The following MCF2L variants were observed in gnomAD, a reference collection of about 807,000 sequenced individuals.
The protein encoded by MCF2L is MCF.2 cell line derived transforming sequence like, also known as guanine nucleotide exchange factor DBS.
MCF2L carries 97 observed loss-of-function variants against 153.4 expected under a neutral mutation model. The ratio of observed to expected loss-of-function variants is 0.63; its 90% CI spans 0.54 to 0.75. The LOEUF is 0.75. Ranked by LOEUF, MCF2L falls within the 30% of genes least tolerant of loss-of-function variation. MCF2L has a pLI of 0.00. For synonymous variants in MCF2L, 659 were observed against 632.2 expected, an observed-to-expected ratio of 1.04 and a Z score of -0.64; for missense variants, 1,347 against 1,495.2, an observed-to-expected ratio of 0.90 and a Z score of 1.64.
chr13:113,095,333 G>T (rs1336827275), intron 27 of MCF2L: 3 of 1,166,396 alleles, frequency 2.6e-6, no homozygotes, highest in Non-Finnish European at 3.2e-6. Flanking sequence ...GGAAGGGTAG[G>T]GAGAGCCCTC....
chr13:112,917,119 C>T lies in MCF2L; in HGVS notation c.169+14748C>T, dbSNP rs548183153. 1,076 of 471,280 alleles carry T rather than the reference C, an allele frequency of 2.3e-3. 3 individuals carry two copies. Among genetic ancestry groups the T allele is most frequent in the Non-Finnish European group, 3.6e-3 (824 of 227,062 alleles). 29.2% of individuals were successfully genotyped at this position (471,280 alleles called of 1,614,324 possible). A position where few individuals can be genotyped will look rare whatever the true frequency, so the allele number is the denominator to read the frequency against. On this transcript the variant is annotated intron_variant, in intron 2 of 29. Transcript: ENST00000375608. ...ATCTCTCCATCTGTACTCAGCCCCT[C>T]GGCGATCTCAGTCCCCTGGCTTGTG...
intron 1 of MCF2L, among the ~76,000 whole-genome samples, chr13:112,972,084 T>C (rs367794732): frequency 6.6e-6 from 1 of 152,250 alleles, no homozygotes; most frequent in Non-Finnish European, 1.5e-5. Flanking sequence ...ATGAAGTTCT[T>C]CAGGAATCAA....
intron 4 of MCF2L, among the ~76,000 whole-genome samples, chr13:113,047,915 C>G (rs9577440): frequency 2.2e-5 from 1 of 45,318 alleles, no homozygotes; most frequent in Non-Finnish European, 5.2e-5. Flanking sequence ...CCGGCCCCTC[C>G]GCTGACGCCT....
intron 16 of MCF2L, among the ~76,000 whole-genome samples, chr13:113,081,679 G>A (rs568564474): frequency 3.3e-5 from 5 of 152,390 alleles, no homozygotes; most frequent in Admixed American, 6.5e-5. Context: ...TTGCCTGGGT[G>A]AGCTTGATGT....
Position 112,969,311 on chromosome 13 carries a change from G to A in MCF2L, c.-69G>A. On this transcript the variant is annotated 5_prime_UTR_variant, in exon 1 of 30. Coordinates refer to ENST00000535094, the MANE Select transcript of MCF2L (RefSeq NM_001112732.3). The surrounding 1 kb of genome is among the most constrained non-coding windows in gnomAD (Gnocchi z 4.8). ...GCCGCGCCCCCTCCGCACTCGCACGGCCCCACCCGCAGGCGCCCCCCGTGC... is the reference window on the plus strand; with the variant it reads ...GCCGCGCCCCCTCCGCACTCGCACGACCCCACCCGCAGGCGCCCCCCGTGC... 1.9e-6 allele frequency: 3 copies of A among 1,542,592 alleles called. No individual in the cohort carries two copies. Among genetic ancestry groups the A allele is most frequent in the South Asian group, 2.4e-5 (2 of 83,552 alleles).
Position 113,027,084 on chromosome 13 carries a change from C to T in MCF2L, c.278+2326C>T, listed in dbSNP as rs1375632856. 5.3e-6 allele frequency: 4 copies of T among 753,232 alleles called. No individual in the cohort carries two copies. Among genetic ancestry groups the T allele is most frequent in the East Asian group, 4.9e-5 (2 of 40,732 alleles). The allele number at this position is 753,232 out of a possible 1,614,324, so 46.7% of individuals were successfully genotyped here. A position where few individuals can be genotyped will look rare whatever the true frequency, so the allele number is the denominator to read the frequency against. ...TATCCTTAAATATGGCATCTGTATCCCGCACATTACATAAGGTGGCAAAAC... is the reference window on the plus strand; with the variant it reads ...TATCCTTAAATATGGCATCTGTATCTCGCACATTACATAAGGTGGCAAAAC... On this transcript the variant is annotated intron_variant, in intron 3 of 29. Coordinates refer to ENST00000535094, the MANE Select transcript of MCF2L (RefSeq NM_001112732.3). This position sits in a 1 kb window ranked among gnomAD's most constrained non-coding sequence, Gnocchi z 4.8.
At chr13:112,958,711 T>C (rs2081788248) in intron 2 of MCF2L, among the ~76,000 whole-genome samples, 1 of 152,192 alleles carries the variant, frequency 6.6e-6, no homozygotes, top group Non-Finnish European at 1.5e-5. Flanking sequence ...TCATTACCCC[T>C]GGGGCCTCTC....
In MCF2L at chr13:113,070,349, A is replaced by G; in HGVS notation, c.996+176A>G. The G allele has an allele frequency of 2.1e-6, 1 of 479,270 alleles. No individual in the cohort carries two copies. The highest frequency in any genetic ancestry group is 3.9e-5 in the East Asian group (1 of 25,384). 29.7% of individuals were successfully genotyped at this position (479,270 alleles called of 1,614,324 possible). A position where few individuals can be genotyped will look rare whatever the true frequency, so the allele number is the denominator to read the frequency against. On this transcript the variant is annotated intron_variant, in intron 9 of 29. Coordinates refer to ENST00000535094, the MANE Select transcript of MCF2L (RefSeq NM_001112732.3). This position sits in a 1 kb window ranked among gnomAD's most constrained non-coding sequence, Gnocchi z 5.6. ...TGAGATTAAGTCAGGCTGAGCCTTG[A>G]AATGCACGATTGATGACTGCGTCAT...
At chr13:112,988,846 C>CACCT (rs1566696078) in intron 1 of MCF2L, among the ~76,000 whole-genome samples, 4 of 83,670 alleles carry the variant, frequency 4.8e-5, no homozygotes, top group Admixed American at 1.1e-4. Context: ...GGAGCTACCA[C>CACCT]GCCCAAGTCC....
At chr13:113,010,119 C>CG (rs2083988032) in intron 1 of MCF2L, 1 of 149,452 alleles carries the variant, frequency 6.7e-6, no homozygotes, top group Admixed American at 6.7e-5. Flanking sequence ...CCCCATACCC[C>CG]CCCCACCCGC....
Position 113,074,462 on chromosome 13 carries a change from G to T in MCF2L, c.1015G>T (p.Ala339Ser), listed in dbSNP as rs771679692. Reference protein sequence around the residue: ...GFREVKAILDAASQKIATFTD... With the variant: ...GFREVKAILDSASQKIATFTD... ...GTTCCAGGTCAAAGCCATCTTGGAC[G>T]CAGCGTCCCAGAAGATAGCAACCTT... Residue 339 changes from alanine to serine, a missense_variant, in exon 10 of 30, where the codon GCA (alanine) becomes TCA (serine). Ala to Ser is a moderately conservative substitution (Grantham distance 99, BLOSUM62 1). Coordinates refer to ENST00000535094, the MANE Select transcript of MCF2L (RefSeq NM_001112732.3). The surrounding 1 kb of genome is among the most constrained non-coding windows in gnomAD (Gnocchi z 4.2). 10 of 1,613,786 alleles carry T rather than the reference G, an allele frequency of 6.2e-6. No homozygotes were observed. The highest frequency in any genetic ancestry group is 5.0e-5 in the Admixed American group (3 of 60,022).
Position 113,045,132 on chromosome 13 carries a change from C to A in MCF2L, c.279-139C>A. 1.1e-6 allele frequency: 1 copy of A among 921,462 alleles called. No individual in the cohort carries two copies. The highest frequency in any genetic ancestry group is 1.7e-6 in the Non-Finnish European group (1 of 577,814). 57.1% of individuals were successfully genotyped at this position (921,462 alleles called of 1,614,324 possible). A position where few individuals can be genotyped will look rare whatever the true frequency, so the allele number is the denominator to read the frequency against. Reference sequence around the variant, plus strand: ...ATGGGGCTGCCGGGGCCCCCGTGTGCCATGCCTCTCACCTGGTATTGCAGA... The same window carrying A: ...ATGGGGCTGCCGGGGCCCCCGTGTGACATGCCTCTCACCTGGTATTGCAGA... On this transcript the variant is annotated intron_variant, in intron 3 of 29. Transcript: ENST00000535094. The surrounding 1 kb of genome is among the most constrained non-coding windows in gnomAD (Gnocchi z 4.2).
chr13:112,931,049 G>A (rs1001101845), intron 2 of MCF2L, among the ~76,000 whole-genome samples: 5 of 152,238 alleles, frequency 3.3e-5, no homozygotes, highest in African/African-American at 9.6e-5. Flanking sequence ...GAGCCAGGAC[G>A]CGCCTCTCAC....
intron 1 of MCF2L, chr13:112,985,533 C>G (rs1237832770): frequency 4.3e-6 from 2 of 460,132 alleles, no homozygotes; most frequent in African/African-American, 4.0e-5. Context: ...TCGGAGCAGT[C>G]GAGGCGGCCT....
rs1297244432 is a variant in MCF2L, at chr13:113,098,286, A to C, written c.*1427A>C. The C allele has an allele frequency of 6.6e-6, 1 of 152,592 alleles. No homozygotes were observed. Among genetic ancestry groups the C allele is most frequent in the Admixed American group, 6.5e-5 (1 of 15,288 alleles). The allele number at this position is 152,592 out of a possible 1,614,324, so 9.5% of individuals were successfully genotyped here. A position where few individuals can be genotyped will look rare whatever the true frequency, so the allele number is the denominator to read the frequency against. On this transcript the variant is annotated 3_prime_UTR_variant, in exon 30 of 30. Coordinates refer to ENST00000535094, the MANE Select transcript of MCF2L (RefSeq NM_001112732.3). ...GCGGAATCAAATAGGAAGCATGCAGAGACTCGGCAGCTTTTCCTCTGATGT... is the reference window on the plus strand; with the variant it reads ...GCGGAATCAAATAGGAAGCATGCAGCGACTCGGCAGCTTTTCCTCTGATGT...
In MCF2L at chr13:112,985,478, G is replaced by A. The variant is rs937075899; in HGVS notation, c.79+16020G>A. 3.2e-5 allele frequency: 15 copies of A among 470,850 alleles called. No individual in the cohort carries two copies. The Admixed American group carries it at 3.5e-4, about 11-fold the overall frequency. The allele number at this position is 470,850 out of a possible 1,614,324, so 29.2% of individuals were successfully genotyped here. On this transcript the variant is annotated intron_variant, in intron 1 of 29. Transcript: ENST00000535094. ...GCTCCTGGCTGCTGTCCGTGGCTGAGGGTGAGTCTCCTCGTCCCCTGTGAG... is the reference window on the plus strand; with the variant it reads ...GCTCCTGGCTGCTGTCCGTGGCTGAAGGTGAGTCTCCTCGTCCCCTGTGAG...
At chr13:112,966,470 CTACTGAT>C (rs764706566), upstream of MCF2L, among the ~76,000 whole-genome samples, 2 of 152,206 alleles carry the variant, frequency 1.3e-5, no homozygotes, top group Non-Finnish European at 2.9e-5. The surrounding 1 kb of genome is among the most constrained non-coding windows in gnomAD (Gnocchi z 4.1). Flanking sequence ...TACTCAAAGT[CTACTGAT>C]ATAAGTGTCA....
rs2087503078 is a variant in MCF2L at position 113,053,423 on chromosome 13, G to A, written c.370-7170G>A. The stretch of plus-strand genomic sequence containing the variant: ...GTTTCCTTGTAATTAGGTTCCACGT[G>A]GTCCTTTGGGGCGGGAATCCTGGTG... On this transcript the variant is annotated intron_variant, in intron 4 of 29. Coordinates refer to ENST00000535094, the MANE Select transcript of MCF2L (RefSeq NM_001112732.3). This position sits in a 1 kb window ranked among gnomAD's most constrained non-coding sequence, Gnocchi z 4.4. Among the ~76,000 whole-genome samples, 1 of 152,206 alleles carries A rather than the reference G, an allele frequency of 6.6e-6. No individual in the cohort carries two copies.
intron 1 of MCF2L, among the ~76,000 whole-genome samples, chr13:112,972,036 G>T (rs2082053459): frequency 6.6e-6 from 1 of 152,196 alleles, no homozygotes; most frequent in Admixed American, 6.5e-5. Context: ...CAGGAAGTCT[G>T]GGGTAGGGTC....
Sources: allele counts gnomAD v4.1 joint callset (sites outside exome capture counted in the v4.1 genomes callset), GRCh38; gene constraint gnomAD v4.1.1; non-coding constraint Gnocchi (gnomAD v3.1); transcripts MANE v1.5; gene names NCBI Gene and HGNC (gene_info 2026-07-23, HGNC 2026-07-21).